The following CCDC180 variants were observed in gnomAD, a reference collection of about 807,000 sequenced individuals.
CCDC180 encodes the protein coiled-coil domain-containing protein 180.
CCDC180 carries 154 observed loss-of-function variants against 209.2 expected under a neutral mutation model. That is an observed-to-expected ratio of 0.74 (90% CI 0.65 to 0.84). The LOEUF (loss-of-function observed/expected upper bound fraction) is 0.84, where lower values mean the gene tolerates loss of function less well. CCDC180 is among the 40% of genes least tolerant of loss of function. The pLI, the probability that CCDC180 is intolerant of heterozygous loss-of-function variation, is 0.00. For synonymous variants in CCDC180, 778 were observed against 749.1 expected (o/e 1.04, Z -0.63); for missense variants, 1,874 against 1,997.3 (o/e 0.94, Z 1.18).
At chr9:97,359,484 C>G (rs561554482) in intron 25 of CCDC180, among the ~76,000 whole-genome samples, 1 of 152,140 alleles carries the variant, frequency 6.6e-6, no homozygotes, top group South Asian at 2.1e-4. Flanking sequence ...AGATCCTCAC[C>G]GTTGCATTCC....
intron 22 of CCDC180, among the ~76,000 whole-genome samples, chr9:97,350,908 T>C (rs1470541736): frequency 6.6e-6 from 1 of 152,240 alleles, no homozygotes; most frequent in East Asian, 1.9e-4. Context: ...CATATATTTG[T>C]CCTTTTCTTG....
rs574175540 is a variant in CCDC180, at chr9:97,330,508, A to G, written c.2015A>G (p.Gln672Arg). The stretch of plus-strand genomic sequence containing the variant: ...TTCATAACTGAAGAGGTGCTGGGGC[A>G]GCAGAAAAAATCTCCACTGCATGCT... ...ESFITEEVLG[Q>R]QKKSPLHAKM... The change falls in exon 18 of 37, where the codon CAG becomes CGG. Residue 672 changes from glutamine to arginine, a missense_variant. Physicochemically the swap from Gln to Arg is conservative, Grantham distance 43. Transcript: ENST00000529487. The G allele has an allele frequency of 2.5e-6, 4 of 1,614,190 alleles. No individual in the cohort carries two copies. The highest frequency in any genetic ancestry group is 2.7e-5 in the African/African-American group (2 of 75,046).
At chr9:97,310,305 A>C (rs1056972973) in intron 3 of CCDC180, among the ~76,000 whole-genome samples, 2 of 152,204 alleles carry the variant, frequency 1.3e-5, no homozygotes, top group African/African-American at 4.8e-5. Context: ...GGCAGAACCC[A>C]TGAGACCTAG....
At chr9:97,333,373 C>T (rs756605320) in intron 18 of CCDC180, among the ~76,000 whole-genome samples, 9 of 152,180 alleles carry the variant, frequency 5.9e-5, no homozygotes, top group South Asian at 2.1e-4. Context: ...AGCGTGATTC[C>T]GGCTTCATAG....
At chr9:97,346,638 A>G (rs1306516896) in intron 19 of CCDC180, among the ~76,000 whole-genome samples, 2 of 152,202 alleles carry the variant, frequency 1.3e-5, no homozygotes, top group African/African-American at 4.8e-5. Context: ...TTTTTGAGGC[A>G]AGGTTTCACT....
intron 19 of CCDC180, among the ~76,000 whole-genome samples, chr9:97,345,077 T>G (rs1057204828): frequency 1.3e-5 from 2 of 152,214 alleles, no homozygotes; most frequent in Non-Finnish European, 2.9e-5. Context: ...TAAAAAAATG[T>G]TATCCATTTT....
Position 97,318,542 on chromosome 9 carries a change from G to C in CCDC180, c.1039G>C (p.Val347Leu), listed in dbSNP as rs550069242. ...ELEVMLKTQN[V>L]LQQRRLKHLC... ...AGAGGTCATGCTGAAGACCCAGAAC[G>C]TCCTGCAGCAAAGGCGGCTGAAGCA... Residue 347 changes from valine (V) to leucine (L), a missense_variant, in exon 10 of 37, where the codon GTC becomes CTC. Coordinates refer to ENST00000529487, the MANE Select transcript of CCDC180 (RefSeq NM_020893.6). 1.2e-6 allele frequency: 2 copies of C among 1,613,598 alleles called. No individual in the cohort carries two copies. The highest frequency in any genetic ancestry group is 2.2e-5 in the South Asian group (2 of 91,080).
chr9:97,367,995 T>C (rs1451504846), intron 31 of CCDC180, among the ~76,000 whole-genome samples: 1 of 152,254 alleles, frequency 6.6e-6, no homozygotes, highest in East Asian at 1.9e-4. Context: ...GGGGATCCCA[T>C]CCTACATGAT....
At chr9:97,375,619 G>A (rs779804859) in intron 36 of CCDC180, 30 bp downstream of exon 36, 5 of 1,613,742 alleles carry the variant, frequency 3.1e-6, no homozygotes, top group Middle Eastern at 1.7e-4. Context: ...GCGTGTCCCA[G>A]GGAGCACAGC....
intron 33 of CCDC180, 172 bp downstream of exon 33, chr9:97,370,950 CTT>C (rs67153822): frequency 0.014 from 1,607 of 114,762 alleles, no homozygotes; most frequent in South Asian, 0.026. Flanking sequence ...AACTTGTATA[CTT>C]TTTTTTTTTT....
chr9:97,307,900 G>T, intron 1 of CCDC180, 83 bp from the exon 2 acceptor site: 2 of 1,585,532 alleles, frequency 1.3e-6, no homozygotes, highest in African/African-American at 1.3e-5. Flanking sequence ...GGGGAGTCCT[G>T]CCCTGGGGTG....
chr9:97,321,992 T>C (rs1833373195), intron 11 of CCDC180, among the ~76,000 whole-genome samples: 2 of 152,052 alleles, frequency 1.3e-5, no homozygotes, highest in Admixed American at 6.5e-5. Flanking sequence ...GTCTGGGCTT[T>C]ATCCTGAGGG....
At chr9:97,360,760 G>A (rs1296486255) in intron 26 of CCDC180, among the ~76,000 whole-genome samples, 1 of 152,058 alleles carries the variant, frequency 6.6e-6, no homozygotes, top group African/African-American at 2.4e-5. Context: ...TTCCCCACAC[G>A]ATGGGGTCTC....
chr9:97,314,994 G>C, intron 8 of CCDC180, 48 bp downstream of exon 8: 3 of 1,465,508 alleles, frequency 2.0e-6, no homozygotes, highest in Non-Finnish European at 2.9e-6. Context: ...GAAGGGGCAG[G>C]ACCAGGAACC....
chr9:97,322,727 A>C, intron 11 of CCDC180, 106 bp from the exon 12 acceptor site: 1 of 930,898 alleles, frequency 1.1e-6, no homozygotes. Flanking sequence ...TCTTCACCTA[A>C]ATAAATGTTG....
chr9:97,308,006 C>A lies in CCDC180; in HGVS notation c.-58C>A, dbSNP rs753424693. 2.5e-6 allele frequency: 4 copies of A among 1,607,346 alleles called. No individual in the cohort carries two copies. Among genetic ancestry groups the A allele is most frequent in the Non-Finnish European group, 3.4e-6 (4 of 1,176,916 alleles). Reference sequence around the variant, plus strand: ...AGGAATTGGAATTGAGACACCAAAGCCTAGACGCGTTTCCTGGACGACGGC... The same window carrying A: ...AGGAATTGGAATTGAGACACCAAAGACTAGACGCGTTTCCTGGACGACGGC... On this transcript the variant is annotated 5_prime_UTR_variant, in exon 2 of 37. Transcript: ENST00000529487.
Position 97,370,670 on chromosome 9 carries a change from T to C in CCDC180, c.4380T>C (p.Asn1460=). Residue 1460 remains asparagine (N), a synonymous_variant, in exon 33 of 37, where the codon AAT becomes AAC. Coordinates refer to ENST00000529487, the MANE Select transcript of CCDC180 (RefSeq NM_020893.6). The part of the protein sequence containing the change: ...KDKNAQKLHL[N]LGHPVHFQEM... ...AAAATGCCCAGAAGCTCCATCTAAA[T>C]CTTGGACACCCCGTACATTTCCAAG... 1.2e-6 allele frequency: 2 copies of C among 1,614,060 alleles called. No individual in the cohort carries two copies. Among genetic ancestry groups the C allele is most frequent in the Non-Finnish European group, 1.7e-6 (2 of 1,180,008 alleles).
intron 18 of CCDC180, among the ~76,000 whole-genome samples, chr9:97,335,403 C>T (rs1029287229): frequency 2.0e-5 from 3 of 152,120 alleles, no homozygotes; most frequent in Non-Finnish European, 4.4e-5. Context: ...TGTTCAATTC[C>T]CACCTATGAG....
rs376727311 is a variant in CCDC180 at position 97,316,964 on chromosome 9, C to T, written c.796-101C>T. On this transcript the variant is annotated intron_variant, in intron 8 of 36. Transcript: ENST00000529487. ...CACCCCACTTGGCCCTCACCCTGCA[C>T]CTCCCCTCTCCAGCCTCCCACTGCT... The T allele has an allele frequency of 1.3e-4, 159 of 1,207,246 alleles. 3 individuals carry two copies. In the South Asian group the frequency reaches 2.3e-3, roughly 17 times the overall value. The allele number at this position is 1,207,246 out of a possible 1,614,324, so 74.8% of individuals were successfully genotyped here.
Sources: allele counts gnomAD v4.1 joint callset (sites outside exome capture counted in the v4.1 genomes callset), GRCh38; gene constraint gnomAD v4.1.1; transcripts MANE v1.5; gene names NCBI Gene and HGNC (gene_info 2026-07-23, HGNC 2026-07-21).